Variants in MAGI2 observed in about 807,000 individuals in gnomAD.
MAGI2 encodes the protein membrane-associated guanylate kinase, WW and PDZ domain-containing protein 2.
A neutral mutation model predicts 133.3 loss-of-function variants in MAGI2; 35 were observed. The ratio of observed to expected loss-of-function variants is 0.26; its 90% confidence interval spans 0.20 to 0.35. MAGI2 has a LOEUF of 0.35. Ranked by LOEUF, MAGI2 falls within the 10% of genes least tolerant of loss-of-function variation. The pLI, the probability that MAGI2 is intolerant of heterozygous loss-of-function variation, is 1.00. For synonymous variants in MAGI2, 729 were observed against 710.6 expected (o/e 1.03, Z -0.41); for missense variants, 1,636 against 1,863.4 (o/e 0.88, Z 2.25).
intron 6 of MAGI2, among the ~76,000 whole-genome samples, chr7:78,473,172 A>G (rs1791401968): frequency 6.6e-6 from 1 of 152,162 alleles, no homozygotes; most frequent in South Asian, 2.1e-4. Context: ...ACAAGATCAC[A>G]GAGCCCATAA....
At chr7:78,748,573 TC>T (rs1215122426) in intron 2 of MAGI2, among the ~76,000 whole-genome samples, 6 of 152,228 alleles carry the variant, frequency 3.9e-5, no homozygotes, top group Admixed American at 2.0e-4. Context: ...GTTATTTGTG[TC>T]TTTAATTATA....
At chr7:79,344,802 G>T (rs1317577012) in intron 1 of MAGI2, among the ~76,000 whole-genome samples, 2 of 152,022 alleles carry the variant, frequency 1.3e-5, no homozygotes, top group Non-Finnish European at 2.9e-5. Context: ...CATTTACCTG[G>T]GTGACTCAGG....
At chr7:78,242,488 C>T (rs914033738) in intron 10 of MAGI2, among the ~76,000 whole-genome samples, 1 of 152,318 alleles carries the variant, frequency 6.6e-6, no homozygotes, top group South Asian at 2.1e-4. Flanking sequence ...ATGTCATTCA[C>T]AACTCATGCT....
chr7:78,209,208 C>T (rs1166724631), intron 10 of MAGI2, among the ~76,000 whole-genome samples: 9 of 15,956 alleles, frequency 5.6e-4, no homozygotes, highest in Non-Finnish European at 1.3e-3. Flanking sequence ...GGCGACAGAG[C>T]AAGACTCTGT....
chr7:78,490,592 T>C (rs1209892645), intron 5 of MAGI2, among the ~76,000 whole-genome samples: 5 of 152,098 alleles, frequency 3.3e-5, no homozygotes, highest in African/African-American at 4.8e-5. Flanking sequence ...ATAACCTGCA[T>C]TAGAATTACC....
intron 1 of MAGI2, among the ~76,000 whole-genome samples, chr7:79,258,534 G>A (rs532144794): frequency 1.3e-5 from 2 of 152,282 alleles, no homozygotes; most frequent in Admixed American, 6.5e-5. Context: ...CTAAGTTATT[G>A]AAGGATTACT....
intron 1 of MAGI2, among the ~76,000 whole-genome samples, chr7:79,108,804 G>T (rs934988815): frequency 7.2e-5 from 11 of 152,298 alleles, no homozygotes; most frequent in African/African-American, 2.6e-4. Context: ...GATCATAGGG[G>T]TGGATCCCTT....
intron 6 of MAGI2, among the ~76,000 whole-genome samples, chr7:78,429,658 G>A (rs913553724): frequency 2.0e-5 from 3 of 151,306 alleles, no homozygotes; most frequent in African/African-American, 4.9e-5. Context: ...ACGTTTTTTC[G>A]AAAGGCACAA....
intron 2 of MAGI2, among the ~76,000 whole-genome samples, chr7:78,927,067 C>G (rs559502598): frequency 6.6e-6 from 1 of 151,912 alleles, no homozygotes; most frequent in Non-Finnish European, 1.5e-5. Context: ...CAAAATGGGA[C>G]GTAGCATGTA....
At chr7:79,160,111 G>C (rs1292525045) in intron 1 of MAGI2, among the ~76,000 whole-genome samples, 2 of 151,996 alleles carry the variant, frequency 1.3e-5, no homozygotes, top group Non-Finnish European at 2.9e-5. Flanking sequence ...TTATAGTCAT[G>C]TTAAACCCTC....
chr7:78,810,655 C>T (rs1457969985), intron 2 of MAGI2, among the ~76,000 whole-genome samples: 2 of 152,062 alleles, frequency 1.3e-5, no homozygotes. Context: ...ACTAGAGGTT[C>T]TTTTTTCTCT....
At chr7:79,281,165 T>C (rs1018281927) in intron 1 of MAGI2, among the ~76,000 whole-genome samples, 6 of 152,094 alleles carry the variant, frequency 3.9e-5, no homozygotes, top group African/African-American at 7.2e-5. Flanking sequence ...TAGGCATAGA[T>C]AATGTTCAAG....
chr7:79,346,746 C>T (rs987169260), intron 1 of MAGI2, among the ~76,000 whole-genome samples: 1 of 152,030 alleles, frequency 6.6e-6, no homozygotes. Context: ...ATTCCTATGG[C>T]CGGGATCCCA....
At chr7:78,682,230 T>G (rs765350110) in intron 2 of MAGI2, among the ~76,000 whole-genome samples, 3 of 152,136 alleles carry the variant, frequency 2.0e-5, no homozygotes, top group South Asian at 2.1e-4. Context: ...ATGCTTAAAC[T>G]TCCCCTTGTA....
At chr7:79,183,401 T>C (rs1826790711) in intron 1 of MAGI2, among the ~76,000 whole-genome samples, 1 of 151,886 alleles carries the variant, frequency 6.6e-6, no homozygotes, top group African/African-American at 2.4e-5. Flanking sequence ...ATTTCCCTTA[T>C]ACCATTTTGT....
chr7:78,185,551 T>C (rs762707480), intron 13 of MAGI2, 78 bp downstream of exon 13: 5 of 1,145,992 alleles, frequency 4.4e-6, no homozygotes, highest in East Asian at 2.5e-5. Flanking sequence ...AGGAAACTGA[T>C]ACTATCAGAA....
chr7:79,239,692 C>G (rs762222790), intron 1 of MAGI2, among the ~76,000 whole-genome samples: 1 of 152,158 alleles, frequency 6.6e-6, no homozygotes, highest in African/African-American at 2.4e-5. Flanking sequence ...AGAATACCAA[C>G]CACAGACAAG....
intron 1 of MAGI2, among the ~76,000 whole-genome samples, chr7:79,440,817 A>G (rs1370588459): frequency 2.0e-5 from 3 of 152,160 alleles, no homozygotes; most frequent in Admixed American, 6.5e-5. Flanking sequence ...TCCTAGCTTC[A>G]TTATTTCAGC....
chr7:78,800,868 T>C (rs1040456392), intron 2 of MAGI2, among the ~76,000 whole-genome samples: 1 of 152,062 alleles, frequency 6.6e-6, no homozygotes, highest in East Asian at 1.9e-4. Flanking sequence ...AGTGAAACAA[T>C]AGAGGAAATT....
Sources: allele counts gnomAD v4.1 joint callset (sites outside exome capture counted in the v4.1 genomes callset), GRCh38; gene constraint gnomAD v4.1.1; transcripts MANE v1.5; gene names NCBI Gene and HGNC (gene_info 2026-07-23, HGNC 2026-07-21).